The following DAP variants were observed in gnomAD, a reference collection of about 807,000 sequenced individuals.
DAP encodes death associated protein.
DAP carries 8 observed loss-of-function variants against 13.8 expected under a neutral mutation model. The ratio of observed to expected loss-of-function variants is 0.58; its 90% CI spans 0.34 to 1.05. The LOEUF (loss-of-function observed/expected upper bound fraction) is 1.05. DAP is among the 50% of genes least tolerant of loss of function. The pLI, the probability that DAP is intolerant of heterozygous loss-of-function variation, is 0.03. For synonymous variants in DAP, 47 were observed against 47.5 expected (o/e 0.99, Z 0.04); for missense variants, 106 against 133.2 (o/e 0.80, Z 1.01).
At chr5:10,731,298 G>C (rs868181566) in intron 2 of DAP, among the ~76,000 whole-genome samples, 7 of 152,090 alleles carry the variant, frequency 4.6e-5, no homozygotes, top group African/African-American at 1.7e-4. Flanking sequence ...GCCCTGGTGG[G>C]GAGAATCTTT....
intron 2 of DAP, among the ~76,000 whole-genome samples, chr5:10,747,029 G>T (rs1739922459): frequency 1.3e-5 from 2 of 152,158 alleles, no homozygotes. Context: ...CTGTTTCCTT[G>T]TACATAAACT....
intron 2 of DAP, among the ~76,000 whole-genome samples, chr5:10,730,377 CA>C (rs1561025475): frequency 6.6e-6 from 1 of 152,240 alleles, no homozygotes; most frequent in African/African-American, 2.4e-5. Flanking sequence ...CTGTCCTATA[CA>C]AATCTACTAC....
At chr5:10,722,511 C>CATACAT (rs76398160) in intron 2 of DAP, among the ~76,000 whole-genome samples, 2 of 149,218 alleles carry the variant, frequency 1.3e-5, no homozygotes, top group African/African-American at 2.5e-5. Flanking sequence ...CATACATATG[C>CATACAT]ATACATATAC....
rs1342578717 is a variant in DAP at position 10,680,864 on chromosome 5, C to G, written c.*192G>C. The G allele has an allele frequency of 2.0e-6, 3 of 1,536,848 alleles. No homozygotes were observed. The African/African-American group carries it at 4.1e-5, about 21-fold the overall frequency. On this transcript the variant is annotated 3_prime_UTR_variant, in exon 4 of 4. Coordinates refer to ENST00000230895, the MANE Select transcript of DAP (RefSeq NM_004394.3). ...CTCAAATGACATCCAACCAGACTCC[C>G]CATAAACAAGGTTTGGGCTGGAGCT...
At chr5:10,697,705 G>C (rs560231847) in intron 2 of DAP, among the ~76,000 whole-genome samples, 179 of 152,202 alleles carry the variant, frequency 1.2e-3, no homozygotes, top group Middle Eastern at 3.4e-3. Flanking sequence ...AATCCAACAA[G>C]ACAACTGTCA....
chr5:10,755,802 C>T (rs1046532342), intron 1 of DAP, among the ~76,000 whole-genome samples: 4 of 152,136 alleles, frequency 2.6e-5, no homozygotes, highest in African/African-American at 9.7e-5. Context: ...AGGGCACTGG[C>T]CGAAATGAAA....
chr5:10,698,815 A>G (rs958850006), intron 2 of DAP, among the ~76,000 whole-genome samples: 1 of 152,242 alleles, frequency 6.6e-6, no homozygotes, highest in Non-Finnish European at 1.5e-5. Context: ...AACAGTTTGC[A>G]AACCAGGGAG....
chr5:10,736,009 C>T (rs1328847526), intron 2 of DAP, among the ~76,000 whole-genome samples: 1 of 152,182 alleles, frequency 6.6e-6, no homozygotes, highest in Non-Finnish European at 1.5e-5. Context: ...GGGTAGGCCC[C>T]TAATGCAATA....
intron 2 of DAP, among the ~76,000 whole-genome samples, chr5:10,697,705 G>A (rs560231847): frequency 6.6e-6 from 1 of 152,084 alleles, no homozygotes; most frequent in Non-Finnish European, 1.5e-5. Context: ...AATCCAACAA[G>A]ACAACTGTCA....
At chr5:10,684,371 G>A (rs1738105663) in intron 2 of DAP, among the ~76,000 whole-genome samples, 1 of 152,136 alleles carries the variant, frequency 6.6e-6, no homozygotes, top group African/African-American at 2.4e-5. Context: ...ACAAATATAA[G>A]GTCCTTGGGA....
chr5:10,704,955 A>C (rs2126647688), intron 2 of DAP, among the ~76,000 whole-genome samples: 1 of 152,280 alleles, frequency 6.6e-6, no homozygotes, highest in East Asian at 1.9e-4. Flanking sequence ...GTCTTCCTAC[A>C]CCTGTCGGAT....
chr5:10,703,213 C>G (rs1240152462), intron 2 of DAP, among the ~76,000 whole-genome samples: 1 of 152,240 alleles, frequency 6.6e-6, no homozygotes, highest in East Asian at 1.9e-4. Flanking sequence ...AAATAGGGAG[C>G]TTACTTGTTG....
intron 2 of DAP, among the ~76,000 whole-genome samples, chr5:10,745,583 T>A (rs913243899): frequency 6.6e-6 from 1 of 152,222 alleles, no homozygotes; most frequent in Non-Finnish European, 1.5e-5. Context: ...TTTAAATTGA[T>A]CATCTTCTAG....
chr5:10,736,258 A>C (rs1739608956), intron 2 of DAP, among the ~76,000 whole-genome samples: 1 of 152,168 alleles, frequency 6.6e-6, no homozygotes, highest in Admixed American at 6.5e-5. Context: ...TAAACCACCC[A>C]GTTTGTGCAA....
At chr5:10,751,923 T>C (rs1740056371) in intron 1 of DAP, among the ~76,000 whole-genome samples, 1 of 152,246 alleles carries the variant, frequency 6.6e-6, no homozygotes, top group Admixed American at 6.5e-5. Flanking sequence ...CTGTGGTATT[T>C]TGTTAAGGCA....
At chr5:10,694,632 G>T (rs1738389612) in intron 2 of DAP, among the ~76,000 whole-genome samples, 1 of 152,226 alleles carries the variant, frequency 6.6e-6, no homozygotes, top group African/African-American at 2.4e-5. Flanking sequence ...GTGTGCTGAT[G>T]AAAGGTAGTC....
chr5:10,757,844 A>G (rs947215082), intron 1 of DAP, among the ~76,000 whole-genome samples: 4 of 151,822 alleles, frequency 2.6e-5, no homozygotes, highest in African/African-American at 9.7e-5. Context: ...CCCTGGGGAA[A>G]CTCTGGAGTG....
chr5:10,738,402 C>A (rs913632973), intron 2 of DAP, among the ~76,000 whole-genome samples: 2 of 152,234 alleles, frequency 1.3e-5, no homozygotes, highest in African/African-American at 2.4e-5. Flanking sequence ...CTTAACTGAA[C>A]AATCAAAGCT....
rs112592033 is a variant in DAP at position 10,760,444 on chromosome 5, A to G, written c.55+570T>C. Among the ~76,000 whole-genome samples, 599 of 152,300 alleles carry G rather than the reference A, an allele frequency of 3.9e-3. 7 individuals carry two copies. Among genetic ancestry groups the G allele is most frequent in the African/African-American group, 0.014 (575 of 41,566 alleles). ...TTTAACTTCCTTGGCTCAGAAGTTT[A>G]GGATTTGCTCAAAATCAGAAAAAGC... On this transcript the variant is annotated intron_variant, in intron 1 of 3. Transcript: ENST00000230895.
Sources: allele counts gnomAD v4.1 joint callset (sites outside exome capture counted in the v4.1 genomes callset), GRCh38; gene constraint gnomAD v4.1.1; transcripts MANE v1.5; gene names NCBI Gene and HGNC (gene_info 2026-07-23, HGNC 2026-07-21).